The following NEO1 variants were observed in gnomAD, a reference collection of about 807,000 sequenced individuals.
NEO1 encodes neogenin 1.
A neutral mutation model predicts 159.7 loss-of-function variants in NEO1; 63 were observed. The observed-to-expected ratio is 0.39, with a 90% confidence interval of 0.32 to 0.49. The LOEUF (loss-of-function observed/expected upper bound fraction) is 0.49. NEO1 is among the 20% of genes least tolerant of loss of function. The probability of loss-of-function intolerance (pLI) is 0.85; values close to 1 mark genes in which losing one functional copy is unlikely to be tolerated. For missense variants in NEO1, 1,615 were observed against 1,831.0 expected (o/e 0.88, Z 2.15); for synonymous variants, 633 against 662.0 (o/e 0.96, Z 0.67).
chr15:73,146,878 C>T (rs1335885899), intron 5 of NEO1, among the ~76,000 whole-genome samples: 2 of 152,084 alleles, frequency 1.3e-5, no homozygotes, highest in East Asian at 3.8e-4. Flanking sequence ...AAAATGCAAC[C>T]TAAGAAAAAC....
At position 73,298,349 on chromosome 15, in the gene NEO1, A is replaced by T. The variant is rs1392102625; in HGVS notation, c.3903A>T (p.Glu1301Asp). ...MSLSDRANSTESVRNTPSTDT... is the reference protein window; with the variant it reads ...MSLSDRANSTDSVRNTPSTDT... ...AACATTTAGACTTTCCTGCTGTAGA[A>T]TCCGTTCGAAATACCCCCAGCACTG... Residue 1301 changes from glutamate (E) to aspartate (D), a missense_variant and splice_region_variant, in exon 27 of 29, where the codon GAA becomes GAT. Glu to Asp is a conservative substitution (Grantham distance 45). Coordinates refer to ENST00000261908, the MANE Select transcript of NEO1 (RefSeq NM_002499.4). The T allele has an allele frequency of 9.3e-6, 15 of 1,613,728 alleles. No homozygotes were observed. Among genetic ancestry groups the T allele is most frequent in the Non-Finnish European group, 1.3e-5 (15 of 1,179,756 alleles).
chr15:73,091,051 T>G (rs917140845), intron 1 of NEO1, among the ~76,000 whole-genome samples: 2 of 152,174 alleles, frequency 1.3e-5, no homozygotes, highest in Non-Finnish European at 2.9e-5. Flanking sequence ...AGAACTGGGA[T>G]TTGAACTCAG....
intron 5 of NEO1, among the ~76,000 whole-genome samples, chr15:73,143,702 C>A (rs1425335949): frequency 1.3e-5 from 2 of 152,138 alleles, no homozygotes; most frequent in Non-Finnish European, 2.9e-5. Context: ...ATGGAGTCCT[C>A]TTTACCAAAT....
chr15:73,132,793 A>C (rs756533595), intron 4 of NEO1, among the ~76,000 whole-genome samples: 104 of 152,196 alleles, frequency 6.8e-4, no homozygotes, highest in Non-Finnish European at 9.6e-4. Flanking sequence ...GCTCAACATC[A>C]TTAATTATGA....
intron 5 of NEO1, among the ~76,000 whole-genome samples, chr15:73,154,994 A>T (rs1184515866): frequency 2.2e-4 from 26 of 119,532 alleles, no homozygotes; most frequent in East Asian, 4.8e-4. Context: ...TTTTTTTGTG[A>T]GTTTGTTTTA....
chr15:73,116,616 T>G lies in NEO1; in HGVS notation c.207T>G (p.Ser69=), dbSNP rs754582534. 6 of 1,610,688 alleles carry G rather than the reference T, an allele frequency of 3.7e-6. No individual in the cohort carries two copies. The highest frequency in any genetic ancestry group is 5.1e-6 in the Non-Finnish European group (6 of 1,178,934). ...PVDTLSVRGS[S]VILNCSAYSE... ...ATACACTCTCAGTTAGAGGCTCTTC[T>G]GTTATATTAAACTGTTCAGCATATT... Residue 69 remains serine (S), a synonymous_variant, in exon 2 of 29, where the codon TCT becomes TCG. Coordinates refer to ENST00000261908, the MANE Select transcript of NEO1 (RefSeq NM_002499.4).
intron 7 of NEO1, among the ~76,000 whole-genome samples, chr15:73,223,662 A>T (rs1035256063): frequency 2.6e-5 from 4 of 152,030 alleles, no homozygotes; most frequent in African/African-American, 9.7e-5. Flanking sequence ...TTAAGTTCAT[A>T]TGAGTCCTTA....
rs2040563402 is a variant in NEO1, at chr15:73,260,290, G to T, written c.2223G>T (p.Val741=). ...SDLDETRVPE[V]PSSLHVRPLV... is the part of the protein sequence containing the mutation. ...TCCCAGAAACTCGTGTTCCTGAAGT[G>T]CCTAGCTCTCTTCACGTACGCCCGC... is the stretch of plus-strand genomic sequence containing the variant. The change falls in exon 15 of 29, where the codon GTG becomes GTT. Residue 741 remains valine (V), a synonymous_variant. Transcript: ENST00000261908. The T allele has an allele frequency of 6.2e-7, 1 of 1,613,354 alleles. No individual in the cohort carries two copies. The highest frequency in any genetic ancestry group is 8.5e-7 in the Non-Finnish European group (1 of 1,179,760).
At chr15:73,106,203 G>A (rs984977046) in intron 1 of NEO1, among the ~76,000 whole-genome samples, 21 of 151,960 alleles carry the variant, frequency 1.4e-4, no homozygotes, top group African/African-American at 2.2e-4. Flanking sequence ...GTCATGATTC[G>A]TATTAATCTT....
intron 2 of NEO1, among the ~76,000 whole-genome samples, chr15:73,117,237 A>G (rs2071377803): frequency 6.6e-6 from 1 of 152,224 alleles, no homozygotes; most frequent in Non-Finnish European, 1.5e-5. Context: ...CAGTAAAGTC[A>G]GAATCCTGGT....
At chr15:73,096,722 T>G (rs958065089) in intron 1 of NEO1, among the ~76,000 whole-genome samples, 3 of 152,184 alleles carry the variant, frequency 2.0e-5, no homozygotes, top group African/African-American at 7.2e-5. Context: ...TGTGAGAGTT[T>G]TGATGGGAAA....
intron 5 of NEO1, among the ~76,000 whole-genome samples, chr15:73,168,273 T>C (rs888604370): frequency 2.6e-5 from 4 of 151,108 alleles, no homozygotes; most frequent in African/African-American, 9.7e-5. Flanking sequence ...CACTGCAACC[T>C]CTGCCTCCCA....
At chr15:73,154,658 G>C (rs913712719) in intron 5 of NEO1, among the ~76,000 whole-genome samples, 5 of 152,160 alleles carry the variant, frequency 3.3e-5, no homozygotes, top group Non-Finnish European at 5.9e-5. Context: ...TCTGATATGA[G>C]CGTAGCTAGT....
chr15:73,301,358 C>T lies in NEO1; in HGVS notation c.4203C>T (p.Ser1401=). 2 of 1,614,204 alleles carry T rather than the reference C, an allele frequency of 1.2e-6. No individual in the cohort carries two copies. ...ACATTCACTCAGTGAAGACAGCCTC[C>T]ATCGGGACTCTAGGAAGGAGCCGGC... ...NHHIHSVKTA[S]IGTLGRSRPP... Residue 1401 remains serine (S), a synonymous_variant, in exon 28 of 29, where the codon TCC becomes TCT. Coordinates refer to ENST00000261908, the MANE Select transcript of NEO1 (RefSeq NM_002499.4).
intron 21 of NEO1, among the ~76,000 whole-genome samples, chr15:73,277,856 C>T (rs2041488143): frequency 6.6e-6 from 1 of 152,188 alleles, no homozygotes; most frequent in Non-Finnish European, 1.5e-5. Context: ...AGAAATAGCA[C>T]CTACTGTCCC....
chr15:73,127,734 A>G (rs551858755), intron 4 of NEO1, among the ~76,000 whole-genome samples: 2 of 152,238 alleles, frequency 1.3e-5, no homozygotes, highest in South Asian at 2.1e-4. Flanking sequence ...ATTTTATGTG[A>G]TGTACCAGTT....
chr15:73,156,421 G>C (rs2033779916), intron 5 of NEO1, among the ~76,000 whole-genome samples: 1 of 152,146 alleles, frequency 6.6e-6, no homozygotes, highest in Non-Finnish European at 1.5e-5. Context: ...TTCCAGGTAG[G>C]CTGATTCTTT....
At chr15:73,179,791 A>G (rs2035492839) in intron 7 of NEO1, among the ~76,000 whole-genome samples, 2 of 152,028 alleles carry the variant, frequency 1.3e-5, no homozygotes, top group African/African-American at 4.8e-5. Flanking sequence ...GTTTTGTTGC[A>G]ACAGCATGCT....
Position 73,052,541 on chromosome 15 carries a change from G to A in NEO1, c.-135G>A. ...AGAGGGGCTGCGCGGGCCGGGCCGG[G>A]CCGGGCTGGGCTGGAGCAGCGGCGG... On this transcript the variant is annotated 5_prime_UTR_variant, in exon 1 of 29. Coordinates refer to ENST00000261908, the MANE Select transcript of NEO1 (RefSeq NM_002499.4). The A allele has an allele frequency of 5.4e-6, 2 of 372,022 alleles. No homozygotes were observed. Among genetic ancestry groups the A allele is most frequent in the African/African-American group, 2.2e-5 (1 of 45,386 alleles). 23.0% of individuals were successfully genotyped at this position (372,022 alleles called of 1,614,324 possible). A position where few individuals can be genotyped will look rare whatever the true frequency, so the allele number is the denominator to read the frequency against.
Sources: gnomAD v4.1 joint callset for allele counts (sites outside exome capture counted in the v4.1 genomes callset) on GRCh38, gnomAD v4.1.1 for gene constraint, MANE v1.5 for transcripts, NCBI Gene and HGNC (gene_info 2026-07-23, HGNC 2026-07-21) for gene names.